Variants in SPIRE2 observed in about 807,000 individuals in gnomAD.
The protein encoded by SPIRE2 is spire type actin nucleation factor 2.
In SPIRE2, 76 loss-of-function variants were observed where a neutral mutation model predicts 80.7. That is an observed-to-expected ratio of 0.94 (90% CI 0.78 to 1.14). SPIRE2 has a LOEUF of 1.14. Among genes scored for constraint, SPIRE2 ranks in the 50% most tolerant of loss-of-function variants. The probability of loss-of-function intolerance (pLI) is 0.00; values close to 1 mark genes in which losing one functional copy is unlikely to be tolerated. For synonymous variants in SPIRE2, 535 were observed against 432.6 expected (o/e 1.24, Z -2.94); for missense variants, 1,196 against 1,015.3 (o/e 1.18, Z -2.42).
At chr16:89,832,112 C>T (rs776894015) in intron 1 of SPIRE2, among the ~76,000 whole-genome samples, 9 of 152,250 alleles carry the variant, frequency 5.9e-5, no homozygotes, top group Non-Finnish European at 1.0e-4. Context: ...AGCGCGTGCC[C>T]GCGTGAGGCA....
chr16:89,867,271 G>A (rs1304210083), intron 12 of SPIRE2, among the ~76,000 whole-genome samples: 2 of 151,598 alleles, frequency 1.3e-5, no homozygotes, highest in African/African-American at 2.4e-5. Flanking sequence ...AGCCTCCCGA[G>A]TAGCTGGGAT....
chr16:89,856,084 C>T (rs2041688695), intron 6 of SPIRE2, 29 bp from the exon 7 acceptor site: 1 of 1,600,212 alleles, frequency 6.2e-7, no homozygotes, highest in Non-Finnish European at 8.5e-7. Context: ...TCCTGCTTCC[C>T]CACCGCAGGT....
chr16:89,860,890 C>T, intron 10 of SPIRE2, 95 bp downstream of exon 10: 1 of 761,918 alleles, frequency 1.3e-6, no homozygotes, highest in East Asian at 3.3e-5. Context: ...TGGGTCTGAG[C>T]ACCTGTCTGG....
chr16:89,868,450 C>G (rs1366083277), intron 13 of SPIRE2, among the ~76,000 whole-genome samples: 2 of 152,214 alleles, frequency 1.3e-5, no homozygotes, highest in Non-Finnish European at 2.9e-5. Flanking sequence ...TTCACTTCCC[C>G]TCTAAAAGTC....
intron 12 of SPIRE2, among the ~76,000 whole-genome samples, chr16:89,867,895 A>G (rs1038314408): frequency 6.6e-6 from 1 of 152,144 alleles, no homozygotes; most frequent in African/African-American, 2.4e-5. Flanking sequence ...CACCACCACT[A>G]TGTTTAAACC....
At position 89,858,353 on chromosome 16, in the gene SPIRE2, C is replaced by T. The variant is rs995897413; in HGVS notation, c.1118C>T (p.Pro373Leu). 1 of 1,606,400 alleles carries T rather than the reference C, an allele frequency of 6.2e-7. No individual in the cohort carries two copies. The highest frequency in any genetic ancestry group is 8.5e-7 in the Non-Finnish European group (1 of 1,176,898). The stretch of plus-strand genomic sequence containing the variant: ...GTCTCCCCAGGGTTTGGCTCTCTGC[C>T]CTGCATCCTCAACGCCTGCTCCGGA... ...GWAARGFGSL[P>L]CILNACSGDA... The change falls in exon 8 of 15, where the codon CCC becomes CTC. Residue 373 changes from proline to leucine, a missense_variant. Transcript: ENST00000378247.
In SPIRE2 at chr16:89,857,872, GTTC is replaced by G. The variant is rs1273963201; in HGVS notation, c.1103-457_1103-455del. ...GGCGTGAGCCACCGCACCCAGCCTA[GTTC>G]TTCTTCTTTTTTTTTTTTTTTTTTT... On this transcript the variant is annotated intron_variant, in intron 7 of 14. Transcript: ENST00000378247. Among the ~76,000 whole-genome samples, 31 of 127,084 alleles carry G rather than the reference GTTC, an allele frequency of 2.4e-4. No homozygotes were observed. The South Asian group carries it at 5.5e-3, about 22-fold the overall frequency. 83.4% of individuals were successfully genotyped at this position (127,084 alleles called of 152,430 possible). A position where few individuals can be genotyped will look rare whatever the true frequency, so the allele number is the denominator to read the frequency against.
intron 7 of SPIRE2, among the ~76,000 whole-genome samples, chr16:89,857,705 G>T (rs1221024417): frequency 5.3e-5 from 8 of 150,976 alleles, no homozygotes; most frequent in Non-Finnish European, 1.0e-4. Context: ...CGGGTAGCTG[G>T]GATTACAGGC....
chr16:89,863,906 C>T lies in SPIRE2; in HGVS notation c.1778+45C>T, dbSNP rs181467343. On this transcript the variant is annotated intron_variant, in intron 12 of 14. Transcript: ENST00000378247. This position sits in a 1 kb window ranked among gnomAD's most constrained non-coding sequence, Gnocchi z 4.3. ...GTCAGTTCACAAGGGAAGGAGGAGG[C>T]GAGAAACCTCGGGGCAGTACCGCCC... 21 of 1,500,754 alleles carry T rather than the reference C, an allele frequency of 1.4e-5. No homozygotes were observed. In the East Asian group the frequency reaches 1.6e-4, roughly 11 times the overall value. The allele number at this position is 1,500,754 out of a possible 1,614,324, so 93.0% of individuals were successfully genotyped here. A position where few individuals can be genotyped will look rare whatever the true frequency, so the allele number is the denominator to read the frequency against.
At chr16:89,850,803 A>G in intron 3 of SPIRE2, 143 bp downstream of exon 3, 1 of 596,280 alleles carries the variant, frequency 1.7e-6, no homozygotes, top group Non-Finnish European at 2.8e-6. Context: ...ATGTATTCCC[A>G]CTTAATCCTC....
At chr16:89,860,032 C>T (rs541425846) in intron 9 of SPIRE2, among the ~76,000 whole-genome samples, 3 of 152,132 alleles carry the variant, frequency 2.0e-5, no homozygotes, top group Admixed American at 6.5e-5. Flanking sequence ...CGGCCTCCCC[C>T]ACCTGGAGCT....
chr16:89,863,330 A>T lies in SPIRE2; in HGVS notation c.1576-146A>T. 2.4e-6 allele frequency: 2 copies of T among 838,594 alleles called. No homozygotes were observed. The highest frequency in any genetic ancestry group is 3.5e-5 in the South Asian group (2 of 56,432). 51.9% of individuals were successfully genotyped at this position (838,594 alleles called of 1,614,324 possible). ...TCAAAGACATGGGGATGGATGGCTG[A>T]TGGACAAGATGGCTGATGGACAGCG... On this transcript the variant is annotated intron_variant, in intron 10 of 14. Transcript: ENST00000378247. This position sits in a 1 kb window ranked among gnomAD's most constrained non-coding sequence, Gnocchi z 4.3.
chr16:89,830,524 T>C (rs62054253), intron 1 of SPIRE2, among the ~76,000 whole-genome samples: 10,520 of 151,258 alleles, frequency 0.07, 916 homozygotes, highest in East Asian at 0.24. Flanking sequence ...CAAAGGTGGC[T>C]AACCCAGCCT....
At chr16:89,841,263 A>G (rs1277960906) in intron 1 of SPIRE2, among the ~76,000 whole-genome samples, 2 of 151,862 alleles carry the variant, frequency 1.3e-5, no homozygotes, top group Admixed American at 6.6e-5. Flanking sequence ...AGGGAGAAAT[A>G]GGCTCTTAAC....
intron 1 of SPIRE2, among the ~76,000 whole-genome samples, chr16:89,832,054 C>G (rs1050155309): frequency 2.6e-5 from 4 of 152,266 alleles, no homozygotes; most frequent in African/African-American, 4.8e-5. Flanking sequence ...TGCTGATGAG[C>G]AGGCCCCAGC....
Position 89,870,586 on chromosome 16 carries a change from G to A in SPIRE2, c.*314G>A. On this transcript the variant is annotated 3_prime_UTR_variant, in exon 15 of 15. Coordinates refer to ENST00000378247, the MANE Select transcript of SPIRE2 (RefSeq NM_032451.2). ...GATCCTGGCACAGACTGCATCCCAT[G>A]TTCCCATGCTCTTCTCCGTCCCCAG... 1 of 259,112 alleles carries A rather than the reference G, an allele frequency of 3.9e-6. No homozygotes were observed. The highest frequency in any genetic ancestry group is 7.5e-6 in the Non-Finnish European group (1 of 133,204). The allele number at this position is 259,112 out of a possible 1,614,324, so 16.1% of individuals were successfully genotyped here.
intron 10 of SPIRE2, among the ~76,000 whole-genome samples, chr16:89,861,224 C>T (rs1276007962): frequency 6.6e-6 from 1 of 152,142 alleles, no homozygotes; most frequent in African/African-American, 2.4e-5. Flanking sequence ...GAAGAGCTCA[C>T]CTTTGCTGAC....
rs756357323 is a variant in SPIRE2 at position 89,850,316 on chromosome 16, C to T, written c.301C>T (p.Leu101Phe). The T allele has an allele frequency of 6.4e-5, 103 of 1,603,016 alleles. No homozygotes were observed. Among genetic ancestry groups the T allele is most frequent in the Non-Finnish European group, 8.1e-5 (95 of 1,177,472 alleles). ...ASSEAQTVQSLGFAIYRALDW... is the reference protein window; with the variant it reads ...ASSEAQTVQSFGFAIYRALDW... ...CCCTGTCCCGCAGACCGTGCAGTCCCTCGGCTTCGCCATCTACCGCGCGCT... is the reference window on the plus strand; with the variant it reads ...CCCTGTCCCGCAGACCGTGCAGTCCTTCGGCTTCGCCATCTACCGCGCGCT... The change falls in exon 3 of 15, where the codon CTC (leucine) becomes TTC (phenylalanine). Residue 101 changes from leucine (L) to phenylalanine (F), a missense_variant. Physicochemically the swap from Leu to Phe is conservative, Grantham distance 22. Coordinates refer to ENST00000378247, the MANE Select transcript of SPIRE2 (RefSeq NM_032451.2).
At position 89,828,910 on chromosome 16, in the gene SPIRE2, C is replaced by T; in HGVS notation, c.244+116C>T. ...CGACCGGTTCTGGAGCGGGAGATCC[C>T]CTTCTCTGCGGGACCCGGAGCTCCC... On this transcript the variant is annotated intron_variant, in intron 1 of 14. Coordinates refer to ENST00000378247, the MANE Select transcript of SPIRE2 (RefSeq NM_032451.2). The surrounding 1 kb of genome is among the most constrained non-coding windows in gnomAD (Gnocchi z 5.9). 2.3e-6 allele frequency: 2 copies of T among 855,694 alleles called. No homozygotes were observed. The highest frequency in any genetic ancestry group is 3.0e-6 in the Non-Finnish European group (2 of 669,892). 53.0% of individuals were successfully genotyped at this position (855,694 alleles called of 1,614,324 possible). A position where few individuals can be genotyped will look rare whatever the true frequency, so the allele number is the denominator to read the frequency against.
Sources: allele counts gnomAD v4.1 joint callset (sites outside exome capture counted in the v4.1 genomes callset), GRCh38; gene constraint gnomAD v4.1.1; non-coding constraint Gnocchi (gnomAD v3.1); transcripts MANE v1.5; gene names NCBI Gene and HGNC (gene_info 2026-07-23, HGNC 2026-07-21).